Variants in STK39 observed in about 807,000 individuals in gnomAD.
STK39 encodes the protein STE20/SPS1-related proline-alanine-rich protein kinase.
In STK39, 20 loss-of-function variants were observed where a neutral mutation model predicts 77.8. The ratio of observed to expected loss-of-function variants is 0.26; its 90% CI spans 0.18 to 0.37. The LOEUF (loss-of-function observed/expected upper bound fraction) is 0.37, where lower values mean the gene tolerates loss of function less well. Among genes scored for constraint, STK39 ranks in the 10% least tolerant of loss-of-function variants. The pLI is 1.00. For synonymous variants in STK39, 246 were observed against 234.1 expected (o/e 1.05, Z -0.47); for missense variants, 479 against 656.5 (o/e 0.73, Z 2.95).
At chr2:168,018,538 A>AAAAGAAAGAAAGAAAG (rs60121657) in intron 14 of STK39, among the ~76,000 whole-genome samples, 2,923 of 85,244 alleles carry the variant, frequency 0.034, 92 homozygotes, top group East Asian at 0.043. Flanking sequence ...GAAAAGAAAG[A>AAAAGAAAGAAAGAAAG]AAAGAAAGAA....
chr2:168,192,982 G>T (rs978948001), intron 1 of STK39, among the ~76,000 whole-genome samples: 6 of 152,058 alleles, frequency 3.9e-5, no homozygotes, highest in African/African-American at 1.4e-4. Context: ...ACTTTTATAT[G>T]GTAATGATTG....
chr2:168,195,143 G>C (rs967888919), intron 1 of STK39, among the ~76,000 whole-genome samples: 1 of 151,932 alleles, frequency 6.6e-6, no homozygotes, highest in Non-Finnish European at 1.5e-5. Context: ...TTACATCCTC[G>C]TTGTCAAGTT....
intron 14 of STK39, among the ~76,000 whole-genome samples, 184 bp downstream of exon 14, chr2:168,063,316 C>G (rs190702641): frequency 6.6e-6 from 1 of 152,166 alleles, no homozygotes; most frequent in African/African-American, 2.4e-5. Context: ...CTTTCTTACT[C>G]TTCTTTAGCA....
chr2:167,997,890 A>G (rs960122862), intron 16 of STK39, among the ~76,000 whole-genome samples: 1 of 152,214 alleles, frequency 6.6e-6, no homozygotes, highest in Non-Finnish European at 1.5e-5. Context: ...CATGAGACAC[A>G]GAAAAACCGA....
chr2:168,140,610 A>T, intron 6 of STK39, 39 bp downstream of exon 6: 1 of 1,482,186 alleles, frequency 6.7e-7, no homozygotes, highest in Non-Finnish European at 9.3e-7. Flanking sequence ...GTACGATTGT[A>T]CTATGTCCAT....
At chr2:167,961,389 A>C (rs76678524) in intron 17 of STK39, among the ~76,000 whole-genome samples, 5,871 of 152,318 alleles carry the variant, frequency 0.039, 273 homozygotes, top group East Asian at 0.21. Context: ...TGTTAATTAC[A>C]TGTTCTCAAA....
intron 1 of STK39, 39 bp downstream of exon 1, chr2:168,247,189 C>G (rs1186643393): frequency 1.7e-6 from 2 of 1,162,780 alleles, no homozygotes; most frequent in East Asian, 4.3e-5. Context: ...GGCCTCGGCG[C>G]CCGGCCTGTG....
intron 16 of STK39, among the ~76,000 whole-genome samples, chr2:168,004,997 C>CTTTTTT (rs10563812): frequency 5.2e-5 from 4 of 77,542 alleles, no homozygotes; most frequent in Non-Finnish European, 7.0e-5. Flanking sequence ...AGAAGGCCCT[C>CTTTTTT]TTTTTTTTTT....
At chr2:168,093,267 T>C (rs1686573648) in intron 10 of STK39, among the ~76,000 whole-genome samples, 3 of 152,196 alleles carry the variant, frequency 2.0e-5, no homozygotes, top group Non-Finnish European at 4.4e-5. Context: ...CATACTGCTA[T>C]GAAGAAATAC....
At chr2:168,171,843 C>A (rs963649273) in intron 2 of STK39, among the ~76,000 whole-genome samples, 1 of 121,582 alleles carries the variant, frequency 8.2e-6, no homozygotes, top group Non-Finnish European at 1.6e-5. Context: ...TTCATTTCCA[C>A]GCCCCCCCCA....
chr2:168,156,501 G>C (rs1688432320), intron 5 of STK39, among the ~76,000 whole-genome samples: 1 of 152,194 alleles, frequency 6.6e-6, no homozygotes, highest in African/African-American at 2.4e-5. Flanking sequence ...TAACACGGCA[G>C]GAGGTCAGAT....
intron 8 of STK39, 88 bp from the exon 9 acceptor site, chr2:168,129,846 T>C (rs1378578125): frequency 7.5e-6 from 11 of 1,473,490 alleles, no homozygotes; most frequent in Non-Finnish European, 1.0e-5. Context: ...TTAAGAGTAT[T>C]TCTGGAAGAC....
chr2:168,054,815 A>T (rs1232643439), intron 14 of STK39, among the ~76,000 whole-genome samples: 1 of 152,018 alleles, frequency 6.6e-6, no homozygotes, highest in East Asian at 1.9e-4. Context: ...AAACAATACC[A>T]CTGGTTACTA....
intron 16 of STK39, among the ~76,000 whole-genome samples, chr2:167,987,007 T>A (rs1358103153): frequency 6.6e-6 from 1 of 152,220 alleles, no homozygotes; most frequent in Non-Finnish European, 1.5e-5. Context: ...GTGGGCTGTA[T>A]GTGTAGTCTC....
chr2:168,107,462 G>C (rs532201575), intron 10 of STK39, among the ~76,000 whole-genome samples: 1 of 152,266 alleles, frequency 6.6e-6, no homozygotes, highest in Non-Finnish European at 1.5e-5. Context: ...ATTATATTTA[G>C]TGCATGACAA....
chr2:168,235,333 C>G (rs1209516550), intron 1 of STK39, among the ~76,000 whole-genome samples: 1 of 152,054 alleles, frequency 6.6e-6, no homozygotes, highest in African/African-American at 2.4e-5. Context: ...TGAGCCACCA[C>G]GGCCGGCCCG....
chr2:167,974,813 T>C (rs946338877), intron 16 of STK39, among the ~76,000 whole-genome samples: 4 of 152,186 alleles, frequency 2.6e-5, no homozygotes, highest in Non-Finnish European at 4.4e-5. Flanking sequence ...TGAATACAGG[T>C]TTCTAATAAC....
chr2:167,991,751 T>C (rs961663194), intron 16 of STK39, among the ~76,000 whole-genome samples: 7 of 152,190 alleles, frequency 4.6e-5, no homozygotes, highest in African/African-American at 1.7e-4. Context: ...TCCTTCTGGA[T>C]ATATGACTTC....
chr2:168,159,897 A>G (rs530120763), intron 5 of STK39, among the ~76,000 whole-genome samples: 2 of 152,220 alleles, frequency 1.3e-5, no homozygotes, highest in Non-Finnish European at 2.9e-5. Flanking sequence ...TACCCTGTGC[A>G]GGGGCTTCCT....
Sources: gnomAD v4.1 joint callset for allele counts (sites outside exome capture counted in the v4.1 genomes callset) on GRCh38, gnomAD v4.1.1 for gene constraint, MANE v1.5 for transcripts, NCBI Gene and HGNC (gene_info 2026-07-23, HGNC 2026-07-21) for gene names.